The following CFAP47 variants were observed in gnomAD, a reference collection of about 807,000 sequenced individuals.
CFAP47 encodes cilia- and flagella-associated protein 47.
In CFAP47, 29 loss-of-function variants were observed where a neutral mutation model predicts 148.1. That is an observed-to-expected ratio of 0.20 (90% CI 0.15 to 0.27). CFAP47 has a LOEUF of 0.27. CFAP47 is among the 10% of genes least tolerant of loss of function. The pLI, the probability that CFAP47 is intolerant of heterozygous loss-of-function variation, is 1.00. For synonymous variants in CFAP47, 664 were observed against 577.3 expected (o/e 1.15, Z -2.15); for missense variants, 1,872 against 1,697.5 (o/e 1.10, Z -1.81).
chrX:36,352,676 C>A (rs1941751995), intron 59 of CFAP47, among the ~76,000 whole-genome samples: 1 of 110,152 alleles, frequency 9.1e-6, no homozygotes, highest in Non-Finnish European at 1.9e-5. Context: ...GACTCCAGTA[C>A]ACATGGTTAC....
intron 39 of CFAP47, among the ~76,000 whole-genome samples, chrX:36,169,350 ATG>A (rs1421760133): frequency 8.9e-4 from 97 of 109,242 alleles, no homozygotes; most frequent in African/African-American, 2.7e-3. Context: ...TATTTTTAAA[ATG>A]TTTTTTTTTT....
chrX:35,924,365 A>G (rs984289435), intron 1 of CFAP47, among the ~76,000 whole-genome samples: 2 of 105,289 alleles, frequency 1.9e-5, no homozygotes, highest in Non-Finnish European at 3.9e-5. Flanking sequence ...GTATATATGT[A>G]TATGTGCATA....
At chrX:36,092,893 C>T (rs764658496) in intron 30 of CFAP47, among the ~76,000 whole-genome samples, 66 of 110,675 alleles carry the variant, frequency 6.0e-4, no homozygotes, top group Middle Eastern at 4.6e-3. Context: ...ATCCCCACTT[C>T]CCCCTCACTG....
At chrX:36,040,935 C>G (rs1301038962) in intron 25 of CFAP47, among the ~76,000 whole-genome samples, 1 of 111,108 alleles carries the variant, frequency 9.0e-6, no homozygotes, top group Non-Finnish European at 1.9e-5. Flanking sequence ...AAATAAACAT[C>G]AAAATTTCAG....
At chrX:36,285,312 C>T (rs1602090535) in intron 50 of CFAP47, among the ~76,000 whole-genome samples, 1 of 111,413 alleles carries the variant, frequency 9.0e-6, no homozygotes, top group East Asian at 2.8e-4. Flanking sequence ...TTGGTTATTA[C>T]TTTTTGAAAC....
chrX:36,090,966 AT>A (rs1938174739), intron 30 of CFAP47, among the ~76,000 whole-genome samples: 1 of 111,735 alleles, frequency 8.9e-6, no homozygotes, highest in African/African-American at 3.2e-5. Context: ...AAATATTCAA[AT>A]AAAAAAACTA....
intron 8 of CFAP47, among the ~76,000 whole-genome samples, chrX:35,964,131 T>G (rs761423863): frequency 1.8e-5 from 2 of 111,917 alleles, no homozygotes; most frequent in Non-Finnish European, 3.8e-5. Flanking sequence ...ATTCCCTTTA[T>G]ATTTTTGTGA....
At chrX:36,362,434 G>A (rs936109924) in intron 61 of CFAP47, among the ~76,000 whole-genome samples, 4 of 112,419 alleles carry the variant, frequency 3.6e-5, no homozygotes, top group Non-Finnish European at 7.5e-5. Context: ...TCCCATTCCT[G>A]CATTAATTTG....
chrX:36,043,585 T>G (rs1183445479), intron 25 of CFAP47, among the ~76,000 whole-genome samples: 1 of 113,246 alleles, frequency 8.8e-6, no homozygotes, highest in Non-Finnish European at 1.9e-5. Flanking sequence ...TGATCTCCTT[T>G]GACTCTATGT....
chrX:36,252,424 G>T (rs1168149898), intron 49 of CFAP47, among the ~76,000 whole-genome samples: 1 of 110,391 alleles, frequency 9.1e-6, no homozygotes, highest in Admixed American at 9.8e-5. Flanking sequence ...CACTGTAATA[G>T]AATTTATGTA....
chrX:35,965,036 C>T (rs1936382585), intron 8 of CFAP47, among the ~76,000 whole-genome samples: 1 of 111,355 alleles, frequency 9.0e-6, no homozygotes, highest in Non-Finnish European at 1.9e-5. Context: ...ATTTGGGTGT[C>T]TCGTATTTTT....
At chrX:36,382,595 G>T (rs1003866608) in intron 63 of CFAP47, among the ~76,000 whole-genome samples, 1 of 111,176 alleles carries the variant, frequency 9.0e-6, no homozygotes, top group Non-Finnish European at 1.9e-5. Flanking sequence ...TCCATTCATA[G>T]AACTATGCCT....
rs1468824114 is a variant in CFAP47 at position 36,368,635 on chromosome X, C to A, written c.9185+1508C>A. Among the ~76,000 whole-genome samples the A allele has an allele frequency of 3.6e-5, 4 of 111,194 alleles. No individual in the cohort carries two copies. The East Asian group carries it at 1.1e-3, about 32-fold the overall frequency. On this transcript the variant is annotated intron_variant, in intron 62 of 63. Transcript: ENST00000378653. ...GAAAAAAATTGGTTTCATAGTCAAA[C>A]AGAATGAGAAACAATTTTTTGCTCA...
chrX:36,139,535 G>C (rs937159612), intron 35 of CFAP47, among the ~76,000 whole-genome samples: 4 of 111,585 alleles, frequency 3.6e-5, no homozygotes, highest in African/African-American at 1.3e-4. Flanking sequence ...ACTGGTGACA[G>C]GGAACGCAGA....
intron 10 of CFAP47, 148 bp downstream of exon 10, chrX:35,967,980 A>T: frequency 3.6e-6 from 1 of 277,073 alleles, no homozygotes; most frequent in Non-Finnish European, 6.1e-6. Flanking sequence ...TTATCTTTTC[A>T]TTTTTTTTAC....
At position 36,308,837 on chromosome X, in the gene CFAP47, A is replaced by G. The variant is rs185581568; in HGVS notation, c.8187+1961A>G. On this transcript the variant is annotated intron_variant, in intron 55 of 63. Coordinates refer to ENST00000378653, the MANE Select transcript of CFAP47 (RefSeq NM_001304548.2). ...ATGGCTATGGTTCATTATCTGCTTC[A>G]TTTGTTTCTGGTTTCAATTCATGTG... 3.3e-3 allele frequency among the ~76,000 whole-genome samples: 367 copies of G among 110,922 alleles called. 9 individuals carry two copies. Among genetic ancestry groups the G allele is most frequent in the Admixed American group, 0.03 (315 of 10,412 alleles).
At chrX:36,225,768 A>G (rs1940263464) in intron 45 of CFAP47, among the ~76,000 whole-genome samples, 1 of 111,241 alleles carries the variant, frequency 9.0e-6, no homozygotes, top group East Asian at 2.9e-4. Context: ...GGATCAGAGT[A>G]AGGCCCTAGA....
intron 21 of CFAP47, among the ~76,000 whole-genome samples, chrX:36,013,271 A>C (rs1376930093): frequency 2.7e-5 from 3 of 111,670 alleles, no homozygotes; most frequent in Non-Finnish European, 5.6e-5. Flanking sequence ...AGCACTATAT[A>C]ATTGCAAATA....
chrX:36,283,951 T>A (rs782766667), intron 50 of CFAP47, among the ~76,000 whole-genome samples: 1 of 112,155 alleles, frequency 8.9e-6, no homozygotes, highest in Admixed American at 9.5e-5. Flanking sequence ...TCATAGCTAC[T>A]GTTTATTTCC....
Sources: allele counts gnomAD v4.1 joint callset (sites outside exome capture counted in the v4.1 genomes callset), GRCh38; gene constraint gnomAD v4.1.1; transcripts MANE v1.5; gene names NCBI Gene and HGNC (gene_info 2026-07-23, HGNC 2026-07-21).